The following CA3 variants were observed in gnomAD, a reference collection of about 807,000 sequenced individuals.
The protein encoded by CA3 is CA-III.
Under a neutral mutation model 35.7 loss-of-function variants are expected in CA3, and 30 were observed. That is an observed-to-expected ratio of 0.84 (90% confidence interval 0.63 to 1.14). The LOEUF (loss-of-function observed/expected upper bound fraction) is 1.14, where lower values mean the gene tolerates loss of function less well. Ranked by LOEUF, CA3 falls within the 50% of genes most tolerant of loss-of-function variation. The pLI, the probability that CA3 is intolerant of heterozygous loss-of-function variation, is 0.00. For missense variants in CA3, 295 were observed against 328.5 expected, an observed-to-expected ratio of 0.90 and a Z score of 0.79; for synonymous variants, 131 against 130.8, an observed-to-expected ratio of 1.00 and a Z score of -0.01.
intron 1 of CA3, 144 bp from the exon 2 acceptor site, chr8:85,439,568 T>C: frequency 1.6e-6 from 1 of 606,394 alleles, no homozygotes; most frequent in Non-Finnish European, 2.9e-6. Context: ...AAATGAATGC[T>C]AAGTCTCTTA....
At chr8:85,446,038 A>G in intron 5 of CA3, 104 bp from the exon 6 acceptor site, 3 of 1,061,036 alleles carry the variant, frequency 2.8e-6, no homozygotes, top group East Asian at 2.6e-5. Flanking sequence ...TATTTTCTCT[A>G]TTGCATTTGA....
intron 6 of CA3, among the ~76,000 whole-genome samples, chr8:85,446,807 G>T (rs976637076): frequency 1.3e-5 from 2 of 152,176 alleles, no homozygotes; most frequent in African/African-American, 4.8e-5. Context: ...CCTCCAAACT[G>T]TTTCCAGTAC....
At chr8:85,444,754 C>A (rs943178373) in intron 4 of CA3, among the ~76,000 whole-genome samples, 1 of 152,126 alleles carries the variant, frequency 6.6e-6, no homozygotes, top group Non-Finnish European at 1.5e-5. Flanking sequence ...GTTCTTAATT[C>A]ATTGGGTCAT....
intron 2 of CA3, among the ~76,000 whole-genome samples, chr8:85,440,402 G>A (rs1811191532): frequency 6.6e-6 from 1 of 152,166 alleles, no homozygotes; most frequent in African/African-American, 2.4e-5. Flanking sequence ...GGCCACTGAA[G>A]GTGTCAAGAT....
chr8:85,443,827 A>T (rs1811239996), intron 3 of CA3, among the ~76,000 whole-genome samples: 1 of 152,222 alleles, frequency 6.6e-6, no homozygotes, highest in South Asian at 2.1e-4. Context: ...TGATAAAAGG[A>T]GATAAATAAA....
At chr8:85,445,592 G>A (rs1811277245) in intron 5 of CA3, among the ~76,000 whole-genome samples, 1 of 152,048 alleles carries the variant, frequency 6.6e-6, no homozygotes, top group African/African-American at 2.4e-5. Context: ...ATGTCAGCCA[G>A]TGCTGGTCTT....
In CA3 at chr8:85,446,312, G is replaced by A; in HGVS notation, c.663+15G>A. 6.2e-7 allele frequency: 1 copy of A among 1,606,550 alleles called. No individual in the cohort carries two copies. The highest frequency in any genetic ancestry group is 1.1e-5 in the South Asian group (1 of 90,684). On this transcript the variant is annotated intron_variant, in intron 6 of 6. Coordinates refer to ENST00000285381, the MANE Select transcript of CA3 (RefSeq NM_005181.4). Reference sequence around the variant, plus strand: ...GCTCTGACCAGGTGAGCAGCCTTGTGAACACGTGGGCTTATGTTGCTGTCT... The same window carrying A: ...GCTCTGACCAGGTGAGCAGCCTTGTAAACACGTGGGCTTATGTTGCTGTCT...
At chr8:85,440,398 T>C (rs1240053163) in intron 2 of CA3, among the ~76,000 whole-genome samples, 1 of 152,238 alleles carries the variant, frequency 6.6e-6, no homozygotes, top group Non-Finnish European at 1.5e-5. Context: ...ACAGGGCCAC[T>C]GAAGGTGTCA....
At chr8:85,444,516 C>A (rs892428712) in intron 4 of CA3, among the ~76,000 whole-genome samples, 1 of 152,100 alleles carries the variant, frequency 6.6e-6, no homozygotes, top group African/African-American at 2.4e-5. Context: ...GTGTTGGGAA[C>A]CATATGATTC....
chr8:85,445,035 G>T, intron 4 of CA3, 121 bp from the exon 5 acceptor site: 1 of 608,650 alleles, frequency 1.6e-6, no homozygotes, highest in South Asian at 2.3e-5. Flanking sequence ...TGCTTAGTAC[G>T]AGATATTCTG....
chr8:85,446,159 C>T lies in CA3; in HGVS notation c.525C>T (p.Phe175=). 6.2e-7 allele frequency: 1 copy of T among 1,611,390 alleles called. No individual in the cohort carries two copies. The highest frequency in any genetic ancestry group is 8.5e-7 in the Non-Finnish European group (1 of 1,178,450). The change falls in exon 6 of 7, where the codon TTC becomes TTT. Residue 175 remains phenylalanine, a synonymous_variant. Coordinates refer to ENST00000285381, the MANE Select transcript of CA3 (RefSeq NM_005181.4). ...KIKTKGKEAP[F]TKFDPSCLFP... is the part of the protein sequence containing the mutation. ...TTACCCAGGGCAAGGAGGCGCCCTT[C>T]ACAAAGTTTGACCCATCCTGCCTGT...
Position 85,442,134 on chromosome 8 carries a change from C to A in CA3, c.294C>A (p.Gly98=), listed in dbSNP as rs764347097. ...TTCGCCAGTTTCATCTTCACTGGGG[C>A]TCTTCGGATGATCATGGCTCTGAGC... ...YRLRQFHLHW[G]SSDDHGSEHT... Residue 98 remains glycine, a synonymous_variant, in exon 3 of 7, where the codon GGC becomes GGA. Coordinates refer to ENST00000285381, the MANE Select transcript of CA3 (RefSeq NM_005181.4). 6.2e-7 allele frequency: 1 copy of A among 1,611,878 alleles called. No homozygotes were observed. The highest frequency in any genetic ancestry group is 1.1e-5 in the South Asian group (1 of 91,046).
In CA3 at chr8:85,448,328, G is replaced by T. The variant is rs773181917; in HGVS notation, c.*175G>T. ...TACTTGTTGAAAGAAAGTTACTTTC[G>T]ACAAGATCTAATATGAAAGCATAGA... On this transcript the variant is annotated 3_prime_UTR_variant, in exon 7 of 7. Coordinates refer to ENST00000285381, the MANE Select transcript of CA3 (RefSeq NM_005181.4). 1.9e-6 allele frequency: 1 copy of T among 515,194 alleles called. No individual in the cohort carries two copies. The highest frequency in any genetic ancestry group is 3.2e-6 in the Non-Finnish European group (1 of 309,354). 31.9% of individuals were successfully genotyped at this position (515,194 alleles called of 1,614,324 possible).
In CA3 at chr8:85,448,059, C is replaced by CCAGTG. The variant is rs1397873798; in HGVS notation, c.691_695dup (p.Glu233ValfsTer11). 5 of 1,612,960 alleles carry CCAGTG rather than the reference C, an allele frequency of 3.1e-6. No individual in the cohort carries two copies. Among genetic ancestry groups the CCAGTG allele is most frequent in the Non-Finnish European group, 4.2e-6 (5 of 1,179,550 alleles). The stretch of plus-strand genomic sequence containing the variant: ...ATGGCCAAGCTGCGGAGCCTCCTCT[C>CCAGTG]CAGTGCTGAGAACGAGCCCCCAGTG... On this transcript the variant is annotated frameshift_variant, in exon 7 of 7. Transcript: ENST00000285381. LOFTEE classifies it high-confidence loss of function.
intron 4 of CA3, among the ~76,000 whole-genome samples, chr8:85,444,428 G>A (rs913960575): frequency 6.6e-6 from 1 of 152,086 alleles, no homozygotes; most frequent in Admixed American, 6.5e-5. Context: ...TTACGGTGGT[G>A]GTAAGGGCAA....
chr8:85,444,799 A>G (rs930570740), intron 4 of CA3, among the ~76,000 whole-genome samples: 1 of 152,190 alleles, frequency 6.6e-6, no homozygotes, highest in Non-Finnish European at 1.5e-5. Context: ...CAGGAGGTGG[A>G]GTAGGTCTGA....
chr8:85,442,111 C>T lies in CA3; in HGVS notation c.271C>T (p.Arg91Cys), dbSNP rs773052803. The change falls in exon 3 of 7, where the codon CGC becomes TGC. Residue 91 changes from arginine (R) to cysteine (C), a missense_variant. Arg to Cys is a radical substitution (Grantham distance 180). Coordinates refer to ENST00000285381, the MANE Select transcript of CA3 (RefSeq NM_005181.4). ...TCCTCTCCCTGGACCCTACCGACTT[C>T]GCCAGTTTCATCTTCACTGGGGCTC... ...GGPLPGPYRL[R>C]QFHLHWGSSD... The T allele has an allele frequency of 6.2e-6, 10 of 1,608,246 alleles. No individual in the cohort carries two copies. The highest frequency in any genetic ancestry group is 5.3e-5 in the African/African-American group (4 of 74,790).
intron 4 of CA3, 98 bp downstream of exon 4, chr8:85,444,224 C>T (rs1811247065): frequency 1.4e-6 from 1 of 714,300 alleles, no homozygotes; most frequent in South Asian, 1.6e-5. Context: ...TACCTTCCTC[C>T]TTTCATATGC....
At chr8:85,447,795 A>C (rs1308566467) in intron 6 of CA3, among the ~76,000 whole-genome samples, 1 of 152,194 alleles carries the variant, frequency 6.6e-6, no homozygotes, top group Admixed American at 6.5e-5. Flanking sequence ...GCTATTCGGG[A>C]GGCTGAGGCA....
Sources: gnomAD v4.1 joint callset for allele counts (sites outside exome capture counted in the v4.1 genomes callset) on GRCh38, gnomAD v4.1.1 for gene constraint, MANE v1.5 for transcripts, NCBI Gene and HGNC (gene_info 2026-07-23, HGNC 2026-07-21) for gene names.